The following SMAD1 variants were observed in gnomAD, a reference collection of about 807,000 sequenced individuals.
SMAD1 encodes SMAD family member 1.
A neutral mutation model predicts 41.6 loss-of-function variants in SMAD1; 6 were observed. The ratio of observed to expected loss-of-function variants is 0.14; its 90% CI spans 0.08 to 0.28. The LOEUF is 0.28. SMAD1 is among the 10% of genes least tolerant of loss of function. The pLI, the probability that SMAD1 is intolerant of heterozygous loss-of-function variation, is 1.00. For synonymous variants in SMAD1, 206 were observed against 203.2 expected, an observed-to-expected ratio of 1.01 and a Z score of -0.12; for missense variants, 379 against 582.6, an observed-to-expected ratio of 0.65 and a Z score of 3.60.
intron 1 of SMAD1, chr4:145,497,983 G>A (rs1470192308): frequency 6.6e-6 from 1 of 152,202 alleles, no homozygotes; most frequent in Non-Finnish European, 1.5e-5. Flanking sequence ...TCATATGAGA[G>A]TGGAATCTGG....
intron 4 of SMAD1, 169 bp from the exon 5 acceptor site, chr4:145,546,534 A>G: frequency 1.6e-6 from 1 of 608,242 alleles, no homozygotes; most frequent in Non-Finnish European, 3.0e-6. Context: ...AGAGTGTCAT[A>G]TTAAGAAGTA....
At chr4:145,507,835 T>G (rs1325863991) in intron 1 of SMAD1, among the ~76,000 whole-genome samples, 2 of 152,172 alleles carry the variant, frequency 1.3e-5, no homozygotes, top group East Asian at 3.8e-4. Context: ...AAAAAAGTAG[T>G]TGTCTTGCCA....
chr4:145,500,982 C>T (rs1209734219), intron 1 of SMAD1, among the ~76,000 whole-genome samples: 1 of 152,128 alleles, frequency 6.6e-6, no homozygotes, highest in East Asian at 1.9e-4. Context: ...CTTCAAAGTA[C>T]AGCTACTAAG....
chr4:145,529,778 T>TA (rs1389780915), intron 2 of SMAD1, among the ~76,000 whole-genome samples: 3 of 152,300 alleles, frequency 2.0e-5, no homozygotes, highest in Non-Finnish European at 4.4e-5. Context: ...CACAGCTACT[T>TA]AGAGACATAG....
chr4:145,536,785 A>G (rs888865868), intron 2 of SMAD1, among the ~76,000 whole-genome samples: 1 of 152,206 alleles, frequency 6.6e-6, no homozygotes, highest in Non-Finnish European at 1.5e-5. Flanking sequence ...CTTATTAATT[A>G]CAAAAGGAAA....
chr4:145,541,187 G>A (rs1412947103), intron 3 of SMAD1, among the ~76,000 whole-genome samples: 1 of 152,100 alleles, frequency 6.6e-6, no homozygotes, highest in Non-Finnish European at 1.5e-5. Flanking sequence ...TTGAGCAGTG[G>A]CAGCCCAGAG....
intron 1 of SMAD1, among the ~76,000 whole-genome samples, chr4:145,490,426 T>C (rs900175032): frequency 6.6e-6 from 1 of 152,168 alleles, no homozygotes; most frequent in Non-Finnish European, 1.5e-5. Flanking sequence ...CCGTAGGTAG[T>C]GTGCCAGGCA....
At chr4:145,541,993 T>C (rs920261) in intron 3 of SMAD1, among the ~76,000 whole-genome samples, 75,042 of 152,116 alleles carry the variant, frequency 0.49, 19,181 homozygotes, top group Non-Finnish European at 0.56. Context: ...GATAAACTGA[T>C]TCATTTTCTG....
chr4:145,489,991 G>A (rs571277216), intron 1 of SMAD1, among the ~76,000 whole-genome samples: 150 of 152,318 alleles, frequency 9.8e-4, no homozygotes, highest in Middle Eastern at 3.4e-3. Context: ...AGAGATTCTA[G>A]AAGTAGGTTT....
At chr4:145,510,212 A>G (rs1322740670) in intron 1 of SMAD1, among the ~76,000 whole-genome samples, 1 of 152,026 alleles carries the variant, frequency 6.6e-6, no homozygotes, top group Non-Finnish European at 1.5e-5. Flanking sequence ...GGATTTATCC[A>G]ATTTTATTAG....
intron 5 of SMAD1, among the ~76,000 whole-genome samples, chr4:145,551,729 T>C (rs765633569): frequency 6.6e-6 from 1 of 152,194 alleles, no homozygotes. Flanking sequence ...AGGGACGTTT[T>C]GTTTTTGCTC....
chr4:145,553,747 T>C (rs769194738), intron 5 of SMAD1, 37 bp from the exon 6 acceptor site: 5 of 1,591,490 alleles, frequency 3.1e-6, no homozygotes, highest in East Asian at 2.2e-5. Context: ...CTGTAAAAAT[T>C]AATAATAACT....
intron 2 of SMAD1, among the ~76,000 whole-genome samples, chr4:145,531,073 T>TC (rs1293124006): frequency 6.6e-6 from 1 of 152,202 alleles, no homozygotes; most frequent in Non-Finnish European, 1.5e-5. Flanking sequence ...TTATAGACCC[T>TC]CCGTACTATC....
At chr4:145,498,997 T>C (rs1329046842) in intron 1 of SMAD1, among the ~76,000 whole-genome samples, 2 of 152,208 alleles carry the variant, frequency 1.3e-5, no homozygotes, top group Non-Finnish European at 2.9e-5. Flanking sequence ...TTTTACCTCT[T>C]ATTGCCACCT....
At chr4:145,553,203 G>A (rs1404822545) in intron 5 of SMAD1, among the ~76,000 whole-genome samples, 1 of 151,326 alleles carries the variant, frequency 6.6e-6, no homozygotes, top group Non-Finnish European at 1.5e-5. Flanking sequence ...GAACAACTGT[G>A]CCTGGCCTAT....
chr4:145,531,049 C>G (rs1467765947), intron 2 of SMAD1, among the ~76,000 whole-genome samples: 1 of 152,228 alleles, frequency 6.6e-6, no homozygotes, highest in African/African-American at 2.4e-5. Flanking sequence ...ATATGGTACC[C>G]AGTGAACCTT....
At chr4:145,484,558 A>T (rs1205626887) in intron 1 of SMAD1, 1 of 152,402 alleles carries the variant, frequency 6.6e-6, no homozygotes, top group Non-Finnish European at 1.5e-5. Flanking sequence ...TATAGTGGAA[A>T]GGCTGAGATG....
At chr4:145,552,892 A>ATGTTGTTGTTGT (rs111591261) in intron 5 of SMAD1, among the ~76,000 whole-genome samples, 2 of 150,972 alleles carry the variant, frequency 1.3e-5, no homozygotes, top group Non-Finnish European at 3.0e-5. Context: ...AAATTGCTAC[A>ATGTTGTTGTTGT]TGTTGTTGTT....
chr4:145,512,452 T>C (rs942632911), intron 1 of SMAD1, among the ~76,000 whole-genome samples: 1 of 152,196 alleles, frequency 6.6e-6, no homozygotes, highest in Non-Finnish European at 1.5e-5. Context: ...TTTGCATTAG[T>C]ATGAGCATTT....
Sources: gnomAD v4.1 joint callset for allele counts (sites outside exome capture counted in the v4.1 genomes callset) on GRCh38, gnomAD v4.1.1 for gene constraint, MANE v1.5 for transcripts, NCBI Gene and HGNC (gene_info 2026-07-23, HGNC 2026-07-21) for gene names.